The following EIF2B3 variants were observed in gnomAD, a reference collection of about 807,000 sequenced individuals.
EIF2B3 encodes the protein translation initiation factor eIF2B subunit gamma.
EIF2B3 carries 20 observed loss-of-function variants against 54.1 expected under a neutral mutation model. The ratio of observed to expected loss-of-function variants is 0.37; its 90% CI spans 0.26 to 0.54. The LOEUF (loss-of-function observed/expected upper bound fraction) is 0.54, where lower values mean the gene tolerates loss of function less well. Among genes scored for constraint, EIF2B3 ranks in the 20% least tolerant of loss-of-function variants. The pLI, the probability that EIF2B3 is intolerant of heterozygous loss-of-function variation, is 0.86. For synonymous variants in EIF2B3, 153 were observed against 188.1 expected, an observed-to-expected ratio of 0.81 and a Z score of 1.52; for missense variants, 448 against 547.8, an observed-to-expected ratio of 0.82 and a Z score of 1.82.
intron 11 of EIF2B3, among the ~76,000 whole-genome samples, chr1:44,855,319 T>C (rs575983799): frequency 1.3e-5 from 2 of 152,234 alleles, no homozygotes; most frequent in East Asian, 3.9e-4. Flanking sequence ...GGTGGACACA[T>C]AGTGTTAATT....
At chr1:44,916,297 C>A (rs1440744208) in intron 5 of EIF2B3, among the ~76,000 whole-genome samples, 1 of 152,058 alleles carries the variant, frequency 6.6e-6, no homozygotes, top group Non-Finnish European at 1.5e-5. Flanking sequence ...TCTTGGCTCT[C>A]TGCAGCCTCT....
chr1:44,895,016 C>T (rs1216319556), intron 6 of EIF2B3, among the ~76,000 whole-genome samples: 2 of 152,184 alleles, frequency 1.3e-5, no homozygotes, highest in Admixed American at 6.5e-5. Context: ...TTCTAATTTG[C>T]CCTGCTGTGC....
intron 3 of EIF2B3, among the ~76,000 whole-genome samples, chr1:44,970,617 T>C (rs1644390032): frequency 1.3e-5 from 2 of 152,212 alleles, no homozygotes; most frequent in South Asian, 4.1e-4. Context: ...CTTTCTCCTT[T>C]AGAGAGATAA....
chr1:44,862,843 C>T (rs183212048), intron 10 of EIF2B3, among the ~76,000 whole-genome samples: 1 of 152,176 alleles, frequency 6.6e-6, no homozygotes, highest in East Asian at 1.9e-4. Context: ...ATGATCTACC[C>T]GCCTCAGCCT....
intron 11 of EIF2B3, among the ~76,000 whole-genome samples, chr1:44,857,484 T>C (rs1415890318): frequency 6.6e-6 from 1 of 151,814 alleles, no homozygotes; most frequent in Non-Finnish European, 1.5e-5. Context: ...TGAGCTGAGA[T>C]TGCACCATTG....
chr1:44,985,101 C>T (rs544144), intron 1 of EIF2B3, among the ~76,000 whole-genome samples: 47,030 of 151,842 alleles, frequency 0.31, 8,116 homozygotes, highest in African/African-American at 0.45. Flanking sequence ...CCACCGCGCC[C>T]GGCCAATAAT....
At chr1:44,948,109 C>A (rs1320717938) in intron 3 of EIF2B3, among the ~76,000 whole-genome samples, 1 of 152,182 alleles carries the variant, frequency 6.6e-6, no homozygotes. Context: ...CCTCAAAGTG[C>A]AAGGCCAAGG....
chr1:44,870,166 C>T (rs1034976692), intron 10 of EIF2B3, among the ~76,000 whole-genome samples: 10 of 131,794 alleles, frequency 7.6e-5, no homozygotes, highest in African/African-American at 2.5e-4. Flanking sequence ...AGAGAGACCC[C>T]GTCTCAAAAA....
chr1:44,967,876 A>G (rs1396238128), intron 3 of EIF2B3, among the ~76,000 whole-genome samples: 2 of 151,536 alleles, frequency 1.3e-5, no homozygotes, highest in Non-Finnish European at 2.9e-5. Context: ...TGTCTCCACT[A>G]AAAGTACAAA....
At chr1:44,939,328 T>C (rs902308607) in intron 4 of EIF2B3, among the ~76,000 whole-genome samples, 19 of 152,136 alleles carry the variant, frequency 1.2e-4, no homozygotes, top group Non-Finnish European at 2.1e-4. Flanking sequence ...GTATACATCA[T>C]ACTTTTTCAG....
chr1:44,976,244 T>C (rs263989), intron 3 of EIF2B3, among the ~76,000 whole-genome samples: 47,088 of 151,974 alleles, frequency 0.31, 8,147 homozygotes, highest in African/African-American at 0.45. Flanking sequence ...AGAATTCCTA[T>C]AATCAATAAT....
intron 10 of EIF2B3, among the ~76,000 whole-genome samples, chr1:44,872,063 C>T (rs1197230566): frequency 1.3e-5 from 2 of 152,018 alleles, no homozygotes; most frequent in African/African-American, 2.4e-5. Context: ...GGCAGGCTCT[C>T]ACTCTGTTAC....
At chr1:44,965,722 C>T (rs1055281938) in intron 3 of EIF2B3, among the ~76,000 whole-genome samples, 4 of 148,206 alleles carry the variant, frequency 2.7e-5, no homozygotes, top group Admixed American at 6.9e-5. Flanking sequence ...TCACTGCAAC[C>T]TCTGCCTCCC....
intron 10 of EIF2B3, among the ~76,000 whole-genome samples, chr1:44,869,364 A>G (rs1221992452): frequency 6.6e-6 from 1 of 151,450 alleles, no homozygotes; most frequent in Non-Finnish European, 1.5e-5. Flanking sequence ...TATAATCCCA[A>G]CTACTCGGGA....
At chr1:44,877,487 A>G (rs967406118) in intron 8 of EIF2B3, among the ~76,000 whole-genome samples, 24 of 152,170 alleles carry the variant, frequency 1.6e-4, no homozygotes, top group African/African-American at 5.6e-4. Context: ...AGGCCTGATC[A>G]GGTCAAGGAA....
At chr1:44,885,618 T>C (rs911922932) in intron 6 of EIF2B3, among the ~76,000 whole-genome samples, 2 of 152,182 alleles carry the variant, frequency 1.3e-5, no homozygotes, top group African/African-American at 4.8e-5. Flanking sequence ...AATCATCAGA[T>C]TATAAACAAG....
At chr1:44,930,640 A>AT (rs909576200) in intron 4 of EIF2B3, among the ~76,000 whole-genome samples, 10 of 151,678 alleles carry the variant, frequency 6.6e-5, no homozygotes, top group East Asian at 1.9e-4. Context: ...CTCCCTATAT[A>AT]TTTTTTTTCT....
At chr1:44,932,529 T>A (rs1036900838) in intron 4 of EIF2B3, 3 of 152,188 alleles carry the variant, frequency 2.0e-5, no homozygotes, top group Non-Finnish European at 4.4e-5. Flanking sequence ...TAATACAACC[T>A]GGTGACTAGT....
chr1:44,914,472 TA>T (rs1643580977), intron 5 of EIF2B3, among the ~76,000 whole-genome samples: 1 of 152,162 alleles, frequency 6.6e-6, no homozygotes, highest in South Asian at 2.1e-4. Context: ...GAAAATTTTT[TA>T]AAATACAGAA....
Sources: gnomAD v4.1 joint callset for allele counts (sites outside exome capture counted in the v4.1 genomes callset) on GRCh38, gnomAD v4.1.1 for gene constraint, MANE v1.5 for transcripts, NCBI Gene and HGNC (gene_info 2026-07-23, HGNC 2026-07-21) for gene names.